Variants in KIF12 observed in about 807,000 individuals in gnomAD.
KIF12 encodes the protein kinesin-like protein KIF12.
Under a neutral mutation model 87.9 loss-of-function variants are expected in KIF12, and 80 were observed. The observed-to-expected ratio is 0.91, with a 90% confidence interval of 0.76 to 1.10. The LOEUF is 1.10. KIF12 is among the 50% of genes least tolerant of loss of function. The probability of loss-of-function intolerance (pLI) is 0.00; values close to 1 mark genes in which losing one functional copy is unlikely to be tolerated. For missense variants in KIF12, 819 were observed against 865.3 expected, an observed-to-expected ratio of 0.95 and a Z score of 0.67; for synonymous variants, 353 against 348.5, an observed-to-expected ratio of 1.01 and a Z score of -0.14.
In KIF12 at chr9:114,094,391, C is replaced by T. The variant is rs370280229; in HGVS notation, c.1184G>A (p.Arg395His). Residue 395 changes from arginine (R) to histidine (H), a missense_variant, in exon 12 of 19, where the codon CGT becomes CAT. Physicochemically the swap from Arg to His is conservative, Grantham distance 29 (BLOSUM62 0). Transcript: ENST00000640217. Reference sequence around the variant, plus strand: ...TTGGTCCAGCTGGAACTGCAGGCGACGGTTCTCCTCCTGGAGCTGCAGCAT... The same window carrying T: ...TTGGTCCAGCTGGAACTGCAGGCGATGGTTCTCCTCCTGGAGCTGCAGCAT... ...TEMLQLQEEN[R>H]RLQFQLDQMD... The T allele has an allele frequency of 6.2e-6, 10 of 1,613,860 alleles. No homozygotes were observed. The highest frequency in any genetic ancestry group is 8.5e-6 in the Non-Finnish European group (10 of 1,179,876).
chr9:114,098,511 C>G, intron 3 of KIF12, 82 bp from the exon 4 acceptor site: 4 of 492,060 alleles, frequency 8.1e-6, no homozygotes, highest in Non-Finnish European at 1.1e-5. Flanking sequence ...TGGAGGAGGG[C>G]GGGGCACGCG....
intron 3 of KIF12, 25 bp from the exon 4 acceptor site, chr9:114,098,454 G>T: frequency 6.7e-7 from 1 of 1,483,840 alleles, no homozygotes. Flanking sequence ...GCGGAGGAGC[G>T]GGGCACTCTG....
intron 11 of KIF12, 43 bp from the exon 12 acceptor site, chr9:114,094,498 G>A (rs377283601): frequency 8.3e-7 from 1 of 1,198,284 alleles, no homozygotes; most frequent in African/African-American, 1.5e-5. Context: ...GGTTGTATAA[G>A]TCGTGCACTG....
At chr9:114,098,022 C>T (rs1387414566) in intron 5 of KIF12, 93 bp downstream of exon 5, 1 of 1,271,542 alleles carries the variant, frequency 7.9e-7, no homozygotes, top group Non-Finnish European at 1.1e-6. Flanking sequence ...CGTCCCAGCC[C>T]CTTCCCTCTG....
Position 114,091,925 on chromosome 9 carries a change from C to T in KIF12, c.1892G>A (p.Gly631Asp). The change falls in exon 19 of 19, where the codon GGC (glycine) becomes GAC (aspartate). Residue 631 changes from glycine to aspartate, a missense_variant. Transcript: ENST00000640217. ...CTCACTGCAGGGTGGCTGGCTGCGG[C>T]CACGTCGCAGGGAGCTGCCAATCTG... is the stretch of plus-strand genomic sequence containing the variant. The part of the protein sequence containing the change: ...RDQIGSSLRR[G>D]RSQPPCSEGA... 6.2e-7 allele frequency: 1 copy of T among 1,612,684 alleles called. No homozygotes were observed. The highest frequency in any genetic ancestry group is 8.5e-7 in the Non-Finnish European group (1 of 1,179,670).
rs1461735598 is a variant in KIF12, at chr9:114,092,443, C to A, written c.1706G>T (p.Ser569Ile). The change falls in exon 18 of 19, where the codon AGT becomes ATT. Residue 569 changes from serine to isoleucine, a missense_variant. By Grantham distance (142) the Ser-to-Ile change is moderately radical. Transcript: ENST00000640217. The part of the protein sequence containing the change: ...SAKCPRERSH[S>I]DWTQTRVLAE... Reference sequence around the variant, plus strand: ...CAGGACTCGGGTCTGAGTCCAGTCACTGTGACTCCTGGGCCAGGGTGAGTT... The same window carrying A: ...CAGGACTCGGGTCTGAGTCCAGTCAATGTGACTCCTGGGCCAGGGTGAGTT... 3 of 1,613,658 alleles carry A rather than the reference C, an allele frequency of 1.9e-6. No individual in the cohort carries two copies. The highest frequency in any genetic ancestry group is 2.7e-5 in the African/African-American group (2 of 74,906).
intron 18 of KIF12, 27 bp downstream of exon 18, chr9:114,092,306 G>T (rs759387717): frequency 6.5e-7 from 1 of 1,527,318 alleles, no homozygotes; most frequent in East Asian, 2.3e-5. Flanking sequence ...AGAACATTAG[G>T]GGCCCCTCCC....
At position 114,092,164 on chromosome 9, in the gene KIF12, C is replaced by G. The variant is rs566541433; in HGVS notation, c.1817-164G>C. On this transcript the variant is annotated intron_variant, in intron 18 of 18. Transcript: ENST00000640217. The stretch of plus-strand genomic sequence containing the variant: ...ATGGGCTCCAACATACATCTGGGCA[C>G]GCAGATGCTCCTAAAAAGAGAATTC... 1.6e-5 allele frequency: 24 copies of G among 1,461,784 alleles called. No individual in the cohort carries two copies. The East Asian group carries it at 5.8e-4, about 35-fold the overall frequency. The allele number at this position is 1,461,784 out of a possible 1,614,324, so 90.6% of individuals were successfully genotyped here. A position where few individuals can be genotyped will look rare whatever the true frequency, so the allele number is the denominator to read the frequency against.
chr9:114,096,433 G>C lies in KIF12; in HGVS notation c.692C>G (p.Ser231Cys), dbSNP rs1218330029. The C allele has an allele frequency of 6.2e-7, 1 of 1,612,992 alleles. No individual in the cohort carries two copies. Among genetic ancestry groups the C allele is most frequent in the African/African-American group, 1.3e-5 (1 of 74,936 alleles). ...GGTGAGCAGGGCATGGCTTCGGCTGGAGGCCTGGTTCAGGGTGTGGGCTGA... is the reference window on the plus strand; with the variant it reads ...GGTGAGCAGGGCATGGCTTCGGCTGCAGGCCTGGTTCAGGGTGTGGGCTGA... ...RNSAHTLNQA[S>C]SRSHALLTLY... The change falls in exon 8 of 19, where the codon TCC (serine) becomes TGC (cysteine). Residue 231 changes from serine to cysteine, a missense_variant. Coordinates refer to ENST00000640217, the MANE Select transcript of KIF12 (RefSeq NM_001388308.1).
rs375694046 is a variant in KIF12 at position 114,094,482 on chromosome 9, C to T, written c.1120-27G>A. 2.8e-5 allele frequency: 40 copies of T among 1,437,896 alleles called. No individual in the cohort carries two copies. In the African/African-American group the frequency reaches 4.7e-4, roughly 17 times the overall value. 89.1% of individuals were successfully genotyped at this position (1,437,896 alleles called of 1,614,324 possible). A position where few individuals can be genotyped will look rare whatever the true frequency, so the allele number is the denominator to read the frequency against. Reference sequence around the variant, plus strand: ...TGTAGGGAAAGAGGCCCAGAGCCACCTTTATGGTTGTATAAGTCGTGCACT... The same window carrying T: ...TGTAGGGAAAGAGGCCCAGAGCCACTTTTATGGTTGTATAAGTCGTGCACT... On this transcript the variant is annotated intron_variant, in intron 11 of 18. Transcript: ENST00000640217.
Position 114,093,978 on chromosome 9 carries a change from G to T in KIF12, c.1314-6C>A, listed in dbSNP as rs1396111390. 1.9e-6 allele frequency: 3 copies of T among 1,613,592 alleles called. No individual in the cohort carries two copies. The highest frequency in any genetic ancestry group is 2.5e-6 in the Non-Finnish European group (3 of 1,179,694). On this transcript the variant is annotated splice_polypyrimidine_tract_variant and splice_region_variant and intron_variant, in intron 13 of 18. Coordinates refer to ENST00000640217, the MANE Select transcript of KIF12 (RefSeq NM_001388308.1). ...GCAGCTGGCTCTTTTCTTTCCTAGG[G>T]GAGATCACAAGCCAGGAAGGGGTAG...
At position 114,093,230 on chromosome 9, in the gene KIF12, T is replaced by C. The variant is rs1466512473; in HGVS notation, c.1595A>G (p.Gln532Arg). The C allele has an allele frequency of 6.4e-7, 1 of 1,551,104 alleles. No individual in the cohort carries two copies. The highest frequency in any genetic ancestry group is 8.7e-7 in the Non-Finnish European group (1 of 1,146,220). Residue 532 changes from glutamine (Q) to arginine (R), a missense_variant and splice_region_variant, in exon 16 of 19, where the codon CAG becomes CGG. Coordinates refer to ENST00000640217, the MANE Select transcript of KIF12 (RefSeq NM_001388308.1). ...ACLPGEHHLPQVLDPEASGGR... is the reference protein window; with the variant it reads ...ACLPGEHHLPRVLDPEASGGR... ...CACTCCCACCATGGCCTTTCCTACC[T>C]GGGGCAGGTGGTGCTCCCCTGGCAG...
chr9:114,096,958 G>C (rs1428555603), intron 7 of KIF12, among the ~76,000 whole-genome samples: 1 of 152,224 alleles, frequency 6.6e-6, no homozygotes, highest in Non-Finnish European at 1.5e-5. Context: ...TGGAGGCAAA[G>C]AGAGATGGGG....
rs768614788 is a variant in KIF12, at chr9:114,097,571, T to C, written c.510+36A>G. 8 of 1,612,508 alleles carry C rather than the reference T, an allele frequency of 5.0e-6. No individual in the cohort carries two copies. The East Asian group carries it at 1.1e-4, about 22-fold the overall frequency. ...CCCTGGAAAGAAGCGCTCCGTTTCC[T>C]CATGGGCTGTCTTTCTATTCCTCTC... On this transcript the variant is annotated intron_variant, in intron 6 of 18. Coordinates refer to ENST00000640217, the MANE Select transcript of KIF12 (RefSeq NM_001388308.1).
At position 114,098,932 on chromosome 9, in the gene KIF12, C is replaced by T; in HGVS notation, c.171+3G>A. 1 of 1,547,874 alleles carries T rather than the reference C, an allele frequency of 6.5e-7. No individual in the cohort carries two copies. Among genetic ancestry groups the T allele is most frequent in the Non-Finnish European group, 8.7e-7 (1 of 1,145,608 alleles). The stretch of plus-strand genomic sequence containing the variant: ...TGGGGAGATAGAGAGAGGGGTTCCT[C>T]ACCTGCAGAGTCCGGGTCCCTGAGC... On this transcript the variant is annotated splice_donor_region_variant and intron_variant, in intron 3 of 18. Transcript: ENST00000640217.
chr9:114,095,357 G>A (rs753867368), intron 9 of KIF12, 25 bp from the exon 10 acceptor site: 3 of 1,605,756 alleles, frequency 1.9e-6, no homozygotes, highest in East Asian at 4.5e-5. Context: ...CAAGAGTTAG[G>A]AAGGTTACAT....
intron 5 of KIF12, 163 bp from the exon 6 acceptor site, chr9:114,097,904 G>A: frequency 9.7e-7 from 1 of 1,026,100 alleles, no homozygotes; most frequent in Non-Finnish European, 1.4e-6. Flanking sequence ...TGAGAAAACT[G>A]AGAGCTAGGA....
chr9:114,097,203 T>G (rs1847268362), intron 7 of KIF12, 98 bp downstream of exon 7: 1 of 1,459,802 alleles, frequency 6.9e-7, no homozygotes, highest in African/African-American at 1.5e-5. Flanking sequence ...GAATCATTTC[T>G]GAAGCTGCAG....
Position 114,095,335 on chromosome 9 carries a change from G to T in KIF12, c.896-3C>A. ...CAGCAGCAGGGAGATGCAGTGACCT[G>T]GGGAGGGAGAGCAAGAGTTAGGAAG... On this transcript the variant is annotated splice_region_variant and splice_polypyrimidine_tract_variant and intron_variant, in intron 9 of 18. Transcript: ENST00000640217. 6.2e-7 allele frequency: 1 copy of T among 1,612,438 alleles called. No individual in the cohort carries two copies. Among genetic ancestry groups the T allele is most frequent in the Admixed American group, 1.7e-5 (1 of 59,962 alleles).
Sources: allele counts gnomAD v4.1 joint callset (sites outside exome capture counted in the v4.1 genomes callset), GRCh38; gene constraint gnomAD v4.1.1; transcripts MANE v1.5; gene names NCBI Gene and HGNC (gene_info 2026-07-23, HGNC 2026-07-21).